TRIQK: variants seen among roughly 807,000 people sequenced by gnomAD.
The protein encoded by TRIQK is triple QxxK/R motif-containing protein.
TRIQK carries 10 observed loss-of-function variants against 10.8 expected under a neutral mutation model. The ratio of observed to expected loss-of-function variants is 0.92; its 90% CI spans 0.57 to 1.57. The LOEUF (loss-of-function observed/expected upper bound fraction) is 1.57. Among genes scored for constraint, TRIQK ranks in the 40% most tolerant of loss-of-function variants. The pLI, the probability that TRIQK is intolerant of heterozygous loss-of-function variation, is 0.00. For missense variants in TRIQK, 107 were observed against 97.7 expected (o/e 1.09, Z -0.40); for synonymous variants, 33 against 33.7 (o/e 0.98, Z 0.07).
intron 1 of TRIQK, among the ~76,000 whole-genome samples, chr8:92,978,343 C>T (rs1812953093): frequency 6.6e-6 from 1 of 152,154 alleles, no homozygotes; most frequent in African/African-American, 2.4e-5. Flanking sequence ...TCCCATGATA[C>T]TTGATGCCCA....
intron 2 of TRIQK, among the ~76,000 whole-genome samples, chr8:92,937,827 T>C (rs958205375): frequency 2.0e-5 from 3 of 152,020 alleles, no homozygotes; most frequent in African/African-American, 7.2e-5. Flanking sequence ...ATTATTGTCA[T>C]ATGTTTCACA....
chr8:93,005,174 A>T (rs957159301), intron 1 of TRIQK, among the ~76,000 whole-genome samples: 18 of 152,236 alleles, frequency 1.2e-4, no homozygotes, highest in African/African-American at 4.1e-4. Flanking sequence ...ATTGATTCAC[A>T]TTTCCACAGG....
chr8:92,962,011 G>A (rs187517508), intron 1 of TRIQK, among the ~76,000 whole-genome samples: 4 of 152,072 alleles, frequency 2.6e-5, no homozygotes, highest in African/African-American at 4.8e-5. Context: ...TCAAAATTAC[G>A]AATTAAGTAG....
At chr8:92,966,165 G>A (rs1812741246), upstream of TRIQK, 1 of 152,314 alleles carries the variant, frequency 6.6e-6, no homozygotes, top group African/African-American at 2.4e-5. Flanking sequence ...GCCCCCAGGG[G>A]CGGGACCAGG....
chr8:92,989,334 C>G (rs1046671161), intron 1 of TRIQK, among the ~76,000 whole-genome samples: 4 of 152,068 alleles, frequency 2.6e-5, no homozygotes, highest in African/African-American at 9.7e-5. Context: ...AGTACCAGTC[C>G]GTGATCTTTT....
intron 3 of TRIQK, among the ~76,000 whole-genome samples, chr8:92,902,860 C>T (rs1353978068): frequency 1.3e-5 from 2 of 151,722 alleles, no homozygotes; most frequent in Non-Finnish European, 2.9e-5. Context: ...TATTGTATTA[C>T]TTGAACAATT....
chr8:92,949,798 GA>G (rs1340327340), intron 2 of TRIQK, among the ~76,000 whole-genome samples: 1 of 58,478 alleles, frequency 1.7e-5, no homozygotes, highest in Non-Finnish European at 3.1e-5. Flanking sequence ...AAGAAAGAAA[GA>G]AAGAAAGAAA....
rs34816958 is a variant in TRIQK, at chr8:92,959,480, T to TACACACACACACAC, written c.-180-4930_-180-4917dup. On this transcript the variant is annotated intron_variant, in intron 1 of 4. Transcript: ENST00000521988. ...GTATACCATCAGTTATATATATGCA[T>TACACACACACACAC]ACACACACACACACACACACACACA... Among the ~76,000 whole-genome samples, 547 of 143,726 alleles carry TACACACACACACAC rather than the reference T, an allele frequency of 3.8e-3. 1 individual carries two copies. The highest frequency in any genetic ancestry group is 5.1e-3 in the Non-Finnish European group (333 of 65,252). The allele number at this position is 143,726 out of a possible 152,430, so 94.3% of individuals were successfully genotyped here.
At chr8:92,956,508 C>T (rs1812180119) in intron 1 of TRIQK, among the ~76,000 whole-genome samples, 1 of 151,742 alleles carries the variant, frequency 6.6e-6, no homozygotes, top group Non-Finnish European at 1.5e-5. Context: ...GAATTATACA[C>T]TTTAAAATGA....
At chr8:92,957,345 TAC>T (rs997042360) in intron 1 of TRIQK, among the ~76,000 whole-genome samples, 140 of 151,868 alleles carry the variant, frequency 9.2e-4, no homozygotes, top group African/African-American at 3.2e-3. Flanking sequence ...TACATACACA[TAC>T]AGATACACAT....
At chr8:92,945,833 G>A (rs547355287) in intron 2 of TRIQK, among the ~76,000 whole-genome samples, 1 of 152,112 alleles carries the variant, frequency 6.6e-6, no homozygotes, top group Non-Finnish European at 1.5e-5. Flanking sequence ...ACTAAAACAT[G>A]TCCAGAAAAA....
At chr8:92,920,179 G>T (rs1463097118) in intron 2 of TRIQK, among the ~76,000 whole-genome samples, 1 of 151,582 alleles carries the variant, frequency 6.6e-6, no homozygotes, top group Non-Finnish European at 1.5e-5. Flanking sequence ...TTGCAGCAGA[G>T]AGTACAACCT....
rs1460329518 is a variant in TRIQK, at chr8:92,976,601, C to T, written c.-180-22037G>A. Among the ~76,000 whole-genome samples the T allele has an allele frequency of 3.3e-5, 5 of 151,854 alleles. No individual in the cohort carries two copies. The East Asian group carries it at 9.6e-4, about 29-fold the overall frequency. ...TAAAATCTAATTTGACTACATCTGC[C>T]TTGTAATTGAGGTGTTAGACCATTT... On this transcript the variant is annotated intron_variant, in intron 1 of 4. Transcript: ENST00000520686.
At chr8:92,947,447 G>C (rs751821972) in intron 2 of TRIQK, among the ~76,000 whole-genome samples, 3 of 151,774 alleles carry the variant, frequency 2.0e-5, no homozygotes, top group African/African-American at 7.3e-5. Context: ...AGCTAGGCAT[G>C]GTGGTGGACT....
upstream of TRIQK, among the ~76,000 whole-genome samples, chr8:92,970,839 G>T (rs1354199570): frequency 6.6e-6 from 1 of 152,068 alleles, no homozygotes; most frequent in Non-Finnish European, 1.5e-5. Flanking sequence ...TGTTGCAATT[G>T]CTTTTGATCT....
At chr8:92,895,078 G>A (rs1358518402) in intron 3 of TRIQK, among the ~76,000 whole-genome samples, 1 of 152,172 alleles carries the variant, frequency 6.6e-6, no homozygotes, top group African/African-American at 2.4e-5. Context: ...ATTATTGTGA[G>A]AGTGGGTTAG....
chr8:92,892,102 G>GCA, intron 3 of TRIQK, 28 bp from the exon 4 acceptor site: 1 of 1,358,462 alleles, frequency 7.4e-7, no homozygotes, highest in Non-Finnish European at 1.0e-6. Context: ...CAGACAATGA[G>GCA]TTATGCTCAT....
At chr8:92,998,454 AT>A (rs1813174646) in intron 1 of TRIQK, among the ~76,000 whole-genome samples, 1 of 152,066 alleles carries the variant, frequency 6.6e-6, no homozygotes, top group Non-Finnish European at 1.5e-5. Context: ...TTCTTAAGAG[AT>A]TAGTGTTAGC....
chr8:92,949,811 AAAG>A (rs1811783030), intron 2 of TRIQK, among the ~76,000 whole-genome samples: 1 of 143,420 alleles, frequency 7.0e-6, no homozygotes, highest in Non-Finnish European at 1.5e-5. Context: ...AGAAAGAAAG[AAAG>A]AAAGAAAGAA....
Sources: gnomAD v4.1 joint callset for allele counts (sites outside exome capture counted in the v4.1 genomes callset) on GRCh38, gnomAD v4.1.1 for gene constraint, MANE v1.5 for transcripts, NCBI Gene and HGNC (gene_info 2026-07-23, HGNC 2026-07-21) for gene names.